KLF16: variants seen among roughly 807,000 people sequenced by gnomAD.
The protein encoded by KLF16 is Krueppel-like factor 16.
A neutral mutation model predicts 6.1 loss-of-function variants in KLF16; 6 were observed. That is an observed-to-expected ratio of 0.98 (90% CI 0.54 to 1.93). The LOEUF (loss-of-function observed/expected upper bound fraction) is 1.93, where lower values mean the gene tolerates loss of function less well. Ranked by LOEUF, KLF16 falls within the 30% of genes most tolerant of loss-of-function variation. The probability of loss-of-function intolerance (pLI) is 0.01; values close to 1 mark genes in which losing one functional copy is unlikely to be tolerated. For missense variants in KLF16, 355 were observed against 363.8 expected, an observed-to-expected ratio of 0.98 and a Z score of 0.20; for synonymous variants, 211 against 176.5, an observed-to-expected ratio of 1.20 and a Z score of -1.55.
chr19:1,858,518 C>T (rs1364445365), intron 1 of KLF16, among the ~76,000 whole-genome samples: 4 of 152,186 alleles, frequency 2.6e-5, no homozygotes, highest in Admixed American at 2.6e-4. Context: ...CGGCTGGGTC[C>T]CCGGCAATGC....
Position 1,854,531 on chromosome 19 carries a change from G to A in KLF16, c.687C>T (p.Asp229=). ...RPGARSTSPS[D]SLPCSLAGSP... ...TCCCGGCCAGGCTGCAGGGCAGCGA[G>A]TCGCTGGGGGAGGTACTGCGGGCAC... The change falls in exon 2 of 2, where the codon GAC becomes GAT. Residue 229 remains aspartate, a synonymous_variant. Coordinates refer to ENST00000250916, the MANE Select transcript of KLF16 (RefSeq NM_031918.4). The A allele has an allele frequency of 6.5e-7, 1 of 1,527,474 alleles. No individual in the cohort carries two copies. The highest frequency in any genetic ancestry group is 8.7e-7 in the Non-Finnish European group (1 of 1,146,072). The allele number at this position is 1,527,474 out of a possible 1,614,324, so 94.6% of individuals were successfully genotyped here.
the KLF16 span, among the ~76,000 whole-genome samples, chr19:1,872,494 C>G: frequency 6.6e-6 from 1 of 152,246 alleles, no homozygotes; most frequent in African/African-American, 2.4e-5. Flanking sequence ...AAGCACCCCG[C>G]CTGGGCCTGT....
At chr19:1,862,943 C>T (rs2012099411) in intron 1 of KLF16, 98 bp downstream of exon 1, 2 of 707,996 alleles carry the variant, frequency 2.8e-6, no homozygotes, top group Non-Finnish European at 3.6e-6. Context: ...GCGCGCCCCC[C>T]TCCCCGCCCC....
the KLF16 span, chr19:1,875,002 C>T: frequency 2.6e-5 from 4 of 152,208 alleles, no homozygotes; most frequent in Non-Finnish European, 5.9e-5. Flanking sequence ...TTCGACTATA[C>T]TTACAGGAAA....
At chr19:1,864,159 A>G (rs1434604861), upstream of KLF16, among the ~76,000 whole-genome samples, 1 of 147,204 alleles carries the variant, frequency 6.8e-6, no homozygotes, top group Non-Finnish European at 1.5e-5. Flanking sequence ...CCCTCCCCGG[A>G]TGCTTCCCTC....
chr19:1,871,878 C>T, the KLF16 span, among the ~76,000 whole-genome samples: 1 of 152,114 alleles, frequency 6.6e-6, no homozygotes, highest in Non-Finnish European at 1.5e-5. Flanking sequence ...ACACCAAGGC[C>T]TCCTCCATCC....
chr19:1,857,774 C>T lies in KLF16; in HGVS notation c.458-3014G>A, dbSNP rs1193512411. Among the ~76,000 whole-genome samples the T allele has an allele frequency of 6.6e-6, 1 of 152,028 alleles. No homozygotes were observed. Among genetic ancestry groups the T allele is most frequent in the African/African-American group, 2.4e-5 (1 of 41,372 alleles). ...ACAGGTGGGGAAGACCAGCCCCAGCCGCAAAGCAAGCATCCCAGGAGAGCC... is the reference window on the plus strand; with the variant it reads ...ACAGGTGGGGAAGACCAGCCCCAGCTGCAAAGCAAGCATCCCAGGAGAGCC... On this transcript the variant is annotated intron_variant, in intron 1 of 1. Transcript: ENST00000250916. This position sits in a 1 kb window ranked among gnomAD's most constrained non-coding sequence, Gnocchi z 4.7.
At chr19:1,859,553 T>C (rs916180201) in intron 1 of KLF16, among the ~76,000 whole-genome samples, 2 of 151,098 alleles carry the variant, frequency 1.3e-5, no homozygotes, top group Non-Finnish European at 2.9e-5. Flanking sequence ...AGGTGCCCCC[T>C]CCCCACCTCA....
At chr19:1,873,333 C>T in the KLF16 span, among the ~76,000 whole-genome samples, 2 of 152,296 alleles carry the variant, frequency 1.3e-5, no homozygotes, top group African/African-American at 2.4e-5. Flanking sequence ...CCCTGGGCAC[C>T]GCCCCAGACC....
the KLF16 span, among the ~76,000 whole-genome samples, chr19:1,873,576 G>A: frequency 6.6e-6 from 1 of 152,234 alleles, no homozygotes; most frequent in Non-Finnish European, 1.5e-5. Context: ...GCCCCCAGGC[G>A]CCCTACCCGG....
chr19:1,853,808 A>G lies in KLF16; in HGVS notation c.*651T>C, dbSNP rs2011887004. 2.0e-5 allele frequency: 3 copies of G among 152,702 alleles called. No homozygotes were observed. In the South Asian group the frequency reaches 6.2e-4, roughly 32 times the overall value. 9.5% of individuals were successfully genotyped at this position (152,702 alleles called of 1,614,324 possible). ...CCCAGGTCTCAGAAGCAACACCTGG[A>G]GCCCCTCCGGGCATCCTAACGCTGC... On this transcript the variant is annotated 3_prime_UTR_variant, in exon 2 of 2. Coordinates refer to ENST00000250916, the MANE Select transcript of KLF16 (RefSeq NM_031918.4).
At chr19:1,855,747 G>A (rs1186105480) in intron 1 of KLF16, among the ~76,000 whole-genome samples, 1 of 152,234 alleles carries the variant, frequency 6.6e-6, no homozygotes, top group Non-Finnish European at 1.5e-5. Context: ...CCAACGACTG[G>A]GGAGGGGCAG....
the KLF16 span, among the ~76,000 whole-genome samples, chr19:1,873,847 T>TC: frequency 6.6e-6 from 1 of 152,248 alleles, no homozygotes; most frequent in Non-Finnish European, 1.5e-5. Flanking sequence ...AGGCCCGGAC[T>TC]CGGTTTACCC....
chr19:1,862,762 T>A (rs1367655575), intron 1 of KLF16: 1 of 366,344 alleles, frequency 2.7e-6, no homozygotes, highest in East Asian at 3.8e-5. Context: ...AGAGAGGTGG[T>A]CTGCCCAGGA....
rs927056896 is a variant in KLF16 at position 1,854,473 on chromosome 19, G to A, written c.745C>T (p.Pro249Ser). The change falls in exon 2 of 2, where the codon CCC (proline) becomes TCC (serine). Residue 249 changes from proline to serine, a missense_variant. Transcript: ENST00000250916. ...GCACGAGGGCCCTACAGGCCTGCGG[G>A]GGCTGGGCTGGGCGCGGGGCTGGGC... ...PAPSPAPSPA[P>S]AGL 3.4e-5 allele frequency: 48 copies of A among 1,419,098 alleles called. No homozygotes were observed. In the Middle Eastern group the frequency reaches 1.3e-3, roughly 38 times the overall value. 87.9% of individuals were successfully genotyped at this position (1,419,098 alleles called of 1,614,324 possible). A position where few individuals can be genotyped will look rare whatever the true frequency, so the allele number is the denominator to read the frequency against.
At chr19:1,871,005 A>G in the KLF16 span, among the ~76,000 whole-genome samples, 2 of 152,214 alleles carry the variant, frequency 1.3e-5, no homozygotes, top group African/African-American at 2.4e-5. Context: ...CAAAAAAAAG[A>G]AAAAAGAAAG....
intron 1 of KLF16, among the ~76,000 whole-genome samples, chr19:1,859,509 C>A (rs911906871): frequency 1.3e-5 from 2 of 152,118 alleles, no homozygotes; most frequent in Non-Finnish European, 2.9e-5. Context: ...AGCGTCCCCA[C>A]CCTCGGGATT....
chr19:1,860,295 G>A (rs947876581), intron 1 of KLF16: 1 of 152,438 alleles, frequency 6.6e-6, no homozygotes, highest in Non-Finnish European at 1.5e-5. Flanking sequence ...AGGGGAGAGA[G>A]AGCCGAGAGC....
intron 1 of KLF16, among the ~76,000 whole-genome samples, chr19:1,859,455 T>C (rs1309804411): frequency 1.3e-5 from 2 of 152,058 alleles, no homozygotes; most frequent in Admixed American, 1.3e-4. Context: ...TCTCCATAAA[T>C]GGATTTGCCT....
Sources: allele counts gnomAD v4.1 joint callset (sites outside exome capture counted in the v4.1 genomes callset), GRCh38; gene constraint gnomAD v4.1.1; non-coding constraint Gnocchi (gnomAD v3.1); transcripts MANE v1.5; gene names NCBI Gene and HGNC (gene_info 2026-07-23, HGNC 2026-07-21).